CACNA2D1: variants seen among roughly 807,000 people sequenced by gnomAD.
The protein encoded by CACNA2D1 is voltage-dependent calcium channel subunit alpha-2/delta-1.
A neutral mutation model predicts 171.5 loss-of-function variants in CACNA2D1; 53 were observed. The observed-to-expected ratio is 0.31, with a 90% CI of 0.25 to 0.39. The LOEUF (loss-of-function observed/expected upper bound fraction) is 0.39, where lower values mean the gene tolerates loss of function less well. Ranked by LOEUF, CACNA2D1 falls within the 10% of genes least tolerant of loss-of-function variation. The pLI, the probability that CACNA2D1 is intolerant of heterozygous loss-of-function variation, is 1.00. For missense variants in CACNA2D1, 903 were observed against 1,299.8 expected, an observed-to-expected ratio of 0.69 and a Z score of 4.69; for synonymous variants, 442 against 443.1, an observed-to-expected ratio of 1.00 and a Z score of 0.03.
chr7:82,385,068 T>C (rs923635155), intron 1 of CACNA2D1, among the ~76,000 whole-genome samples: 3 of 152,212 alleles, frequency 2.0e-5, no homozygotes, highest in Non-Finnish European at 4.4e-5. Context: ...CCCAACATCT[T>C]TTATGAAACT....
intron 7 of CACNA2D1, among the ~76,000 whole-genome samples, chr7:82,068,871 AC>A (rs1333386922): frequency 6.6e-6 from 1 of 152,144 alleles, no homozygotes; most frequent in African/African-American, 2.4e-5. Flanking sequence ...GATATATATT[AC>A]TATATTCCAT....
intron 1 of CACNA2D1, among the ~76,000 whole-genome samples, chr7:82,421,693 T>C (rs1025596837): frequency 2.6e-4 from 39 of 152,208 alleles, no homozygotes; most frequent in African/African-American, 9.4e-4. Flanking sequence ...AGAATGCTTA[T>C]ATCCCTTTCA....
chr7:81,993,541 T>C (rs1333014001), intron 20 of CACNA2D1, among the ~76,000 whole-genome samples: 1 of 152,168 alleles, frequency 6.6e-6, no homozygotes, highest in Non-Finnish European at 1.5e-5. Context: ...ATAGACCATA[T>C]AGATAGAGCT....
intron 3 of CACNA2D1, among the ~76,000 whole-genome samples, chr7:82,221,928 A>C (rs900008360): frequency 6.6e-6 from 1 of 151,864 alleles, no homozygotes; most frequent in African/African-American, 2.4e-5. Context: ...AGCTTTTGTG[A>C]CTAGTCTATC....
chr7:82,080,057 G>GTATATATATATACGTATATATGTGTGTA (rs34773288), intron 7 of CACNA2D1, among the ~76,000 whole-genome samples: 2 of 148,704 alleles, frequency 1.3e-5, no homozygotes, highest in East Asian at 2.0e-4. Flanking sequence ...ATATATGTGT[G>GTATATATATATACGTATATATGTGTGTA]TATATATATA....
At chr7:81,960,868 A>C (rs1390065108) in intron 36 of CACNA2D1, among the ~76,000 whole-genome samples, 1 of 151,986 alleles carries the variant, frequency 6.6e-6, no homozygotes, top group Non-Finnish European at 1.5e-5. Flanking sequence ...TAAACAAGAC[A>C]GTCTGCTTTT....
chr7:82,025,972 G>C (rs37149), intron 12 of CACNA2D1, among the ~76,000 whole-genome samples: 16 of 150,282 alleles, frequency 1.1e-4, no homozygotes, highest in South Asian at 2.1e-4. Context: ...CTGATGTTGG[G>C]TGCATACATC....
intron 3 of CACNA2D1, among the ~76,000 whole-genome samples, chr7:82,259,279 C>G (rs755151979): frequency 6.6e-6 from 1 of 152,092 alleles, no homozygotes; most frequent in Non-Finnish European, 1.5e-5. Flanking sequence ...GGATTGTCAG[C>G]TTGTATCCAA....
At chr7:82,180,855 A>G (rs1464290487) in intron 3 of CACNA2D1, among the ~76,000 whole-genome samples, 1 of 151,714 alleles carries the variant, frequency 6.6e-6, no homozygotes, top group Non-Finnish European at 1.5e-5. Flanking sequence ...AGAAATAGAG[A>G]CAGAGACAGG....
At chr7:82,051,994 T>C (rs532614894) in intron 10 of CACNA2D1, among the ~76,000 whole-genome samples, 11 of 152,306 alleles carry the variant, frequency 7.2e-5, no homozygotes, top group African/African-American at 2.2e-4. Context: ...TGACATCTTA[T>C]ACATGATTTA....
intron 7 of CACNA2D1, among the ~76,000 whole-genome samples, chr7:82,077,121 C>A (rs376409398): frequency 1.3e-5 from 2 of 152,004 alleles, no homozygotes; most frequent in East Asian, 3.8e-4. Flanking sequence ...AAGTTGACTA[C>A]CTAATTAAAT....
At chr7:82,009,609 T>C (rs1203828954) in intron 15 of CACNA2D1, among the ~76,000 whole-genome samples, 1 of 152,116 alleles carries the variant, frequency 6.6e-6, no homozygotes, top group East Asian at 1.9e-4. Context: ...TCATTTCCTT[T>C]GCATTACTTT....
intron 3 of CACNA2D1, among the ~76,000 whole-genome samples, chr7:82,295,819 T>C (rs1302416953): frequency 6.6e-6 from 1 of 152,020 alleles, no homozygotes; most frequent in Non-Finnish European, 1.5e-5. Context: ...CGTATGTTTA[T>C]TGCGGCACTA....
chr7:82,416,187 C>T (rs1439013788), intron 1 of CACNA2D1, among the ~76,000 whole-genome samples: 1 of 151,946 alleles, frequency 6.6e-6, no homozygotes, highest in Non-Finnish European at 1.5e-5. Flanking sequence ...TGCACTCCAA[C>T]ATGGGTAACA....
intron 3 of CACNA2D1, among the ~76,000 whole-genome samples, chr7:82,259,685 C>T (rs1263988794): frequency 6.6e-6 from 1 of 152,166 alleles, no homozygotes; most frequent in Non-Finnish European, 1.5e-5. Context: ...GGGTCACATG[C>T]TCATGCTGAC....
intron 5 of CACNA2D1, among the ~76,000 whole-genome samples, chr7:82,120,552 C>T (rs1031102896): frequency 2.6e-5 from 4 of 151,872 alleles, no homozygotes; most frequent in African/African-American, 9.7e-5. Context: ...TTCTGGCATA[C>T]TGGGATACTG....
chr7:82,420,307 T>TGTCTGAATTTAGGAGAG (rs1260248135), intron 1 of CACNA2D1, among the ~76,000 whole-genome samples: 3 of 152,218 alleles, frequency 2.0e-5, no homozygotes, highest in African/African-American at 7.2e-5. Context: ...CATCATGCTG[T>TGTCTGAATTTAGGAGAG]GTCTGAATTT....
At chr7:82,254,943 T>A (rs1241558966) in intron 3 of CACNA2D1, among the ~76,000 whole-genome samples, 1 of 152,174 alleles carries the variant, frequency 6.6e-6, no homozygotes. Context: ...GTTTCATCAG[T>A]ACTCTTGGAG....
At chr7:82,095,647 G>A (rs1231324274) in intron 6 of CACNA2D1, among the ~76,000 whole-genome samples, 1 of 152,148 alleles carries the variant, frequency 6.6e-6, no homozygotes, top group Non-Finnish European at 1.5e-5. Context: ...GTATGTTTTG[G>A]TACATACTAA....
Sources: gnomAD v4.1 joint callset for allele counts (sites outside exome capture counted in the v4.1 genomes callset) on GRCh38, gnomAD v4.1.1 for gene constraint, MANE v1.5 for transcripts, NCBI Gene and HGNC (gene_info 2026-07-23, HGNC 2026-07-21) for gene names.